Variants in SPIDR observed in about 807,000 individuals in gnomAD.
The protein encoded by SPIDR is scaffold protein involved in DNA repair.
Under a neutral mutation model 104.6 loss-of-function variants are expected in SPIDR, and 93 were observed. That is an observed-to-expected ratio of 0.89 (90% confidence interval 0.75 to 1.06). The LOEUF (loss-of-function observed/expected upper bound fraction) is 1.06, where lower values mean the gene tolerates loss of function less well. Ranked by LOEUF, SPIDR falls within the 50% of genes least tolerant of loss-of-function variation. The probability of loss-of-function intolerance (pLI) is 0.00; values close to 1 mark genes in which losing one functional copy is unlikely to be tolerated. For synonymous variants in SPIDR, 431 were observed against 416.9 expected, an observed-to-expected ratio of 1.03 and a Z score of -0.41; for missense variants, 1,154 against 1,111.2, an observed-to-expected ratio of 1.04 and a Z score of -0.55.
chr8:47,680,505 G>A (rs987275995), intron 11 of SPIDR, among the ~76,000 whole-genome samples: 33 of 152,312 alleles, frequency 2.2e-4, no homozygotes, highest in South Asian at 1.0e-3. Flanking sequence ...TTACTGGGCC[G>A]GGTTATGTAT....
At chr8:47,573,959 C>G (rs1395175472) in intron 8 of SPIDR, among the ~76,000 whole-genome samples, 1 of 152,196 alleles carries the variant, frequency 6.6e-6, no homozygotes, top group African/African-American at 2.4e-5. Context: ...CTCTGTAAAA[C>G]AGACTTTTAA....
At chr8:47,429,143 T>C (rs968540547) in intron 7 of SPIDR, among the ~76,000 whole-genome samples, 2 of 152,310 alleles carry the variant, frequency 1.3e-5, no homozygotes, top group Admixed American at 6.5e-5. Context: ...CCAGTGACCA[T>C]TTTAAGTTTG....
At chr8:47,711,883 C>T (rs940904890) in intron 14 of SPIDR, among the ~76,000 whole-genome samples, 3 of 152,140 alleles carry the variant, frequency 2.0e-5, no homozygotes, top group African/African-American at 7.2e-5. Context: ...TCCTTCACCC[C>T]AACCCTCAGC....
Position 47,735,384 on chromosome 8 carries a change from G to A in SPIDR, c.2682G>A (p.Pro894=). The A allele has an allele frequency of 6.2e-7, 1 of 1,613,984 alleles. No individual in the cohort carries two copies. Among genetic ancestry groups the A allele is most frequent in the Non-Finnish European group, 8.5e-7 (1 of 1,179,990 alleles). The part of the protein sequence containing the change: ...NCFVQSVTAH[P]TSCIGLEEIE... Reference sequence around the variant, plus strand: ...TTGTCCAGTCCGTAACCGCCCACCCGACCAGCTGCATTGGATTGGAGGAAA... The same window carrying A: ...TTGTCCAGTCCGTAACCGCCCACCCAACCAGCTGCATTGGATTGGAGGAAA... Residue 894 remains proline (P), a synonymous_variant, in exon 20 of 20, where the codon CCG becomes CCA. Coordinates refer to ENST00000297423, the MANE Select transcript of SPIDR (RefSeq NM_001080394.4).
chr8:47,589,517 T>A (rs1191910267), intron 8 of SPIDR, among the ~76,000 whole-genome samples: 3 of 151,424 alleles, frequency 2.0e-5, no homozygotes, highest in African/African-American at 4.9e-5. Context: ...AGAGCATGAC[T>A]CCATCTCAAA....
intron 2 of SPIDR, among the ~76,000 whole-genome samples, chr8:47,282,246 A>G (rs367805146): frequency 1.2e-4 from 19 of 152,372 alleles, no homozygotes; most frequent in African/African-American, 4.3e-4. Context: ...ATTGGCTTCA[A>G]CTTAATGTTA....
chr8:47,455,870 C>G (rs2072866940), intron 8 of SPIDR, among the ~76,000 whole-genome samples: 1 of 151,944 alleles, frequency 6.6e-6, no homozygotes, highest in Non-Finnish European at 1.5e-5. Flanking sequence ...TAAAAATGGA[C>G]AGAATTGAAA....
intron 5 of SPIDR, among the ~76,000 whole-genome samples, chr8:47,381,745 A>T (rs1249235357): frequency 3.3e-5 from 5 of 152,236 alleles, no homozygotes; most frequent in African/African-American, 1.2e-4. Context: ...GACCTGCCCC[A>T]CGTGGCACCA....
At chr8:47,272,922 A>G (rs996061137) in intron 1 of SPIDR, among the ~76,000 whole-genome samples, 21 of 152,318 alleles carry the variant, frequency 1.4e-4, no homozygotes, top group Non-Finnish European at 2.5e-4. Context: ...ACATTTTACC[A>G]CTTCAAATGA....
At chr8:47,270,009 T>C (rs2034965097) in intron 1 of SPIDR, among the ~76,000 whole-genome samples, 1 of 152,226 alleles carries the variant, frequency 6.6e-6, no homozygotes, top group Non-Finnish European at 1.5e-5. Context: ...AAATCTCTCT[T>C]GGTTATGGTG....
At chr8:47,408,533 C>T (rs2063065978) in intron 7 of SPIDR, among the ~76,000 whole-genome samples, 2 of 152,160 alleles carry the variant, frequency 1.3e-5, no homozygotes, top group African/African-American at 2.4e-5. Context: ...ACGTTGTACC[C>T]TTTGACAAAT....
intron 5 of SPIDR, among the ~76,000 whole-genome samples, chr8:47,328,825 T>C (rs782010678): frequency 2.6e-5 from 4 of 152,144 alleles, no homozygotes; most frequent in African/African-American, 4.8e-5. Flanking sequence ...AGGGTTTTTT[T>C]TCTCAAGTCT....
chr8:47,641,333 C>G (rs1242063094), intron 10 of SPIDR, among the ~76,000 whole-genome samples: 2 of 152,056 alleles, frequency 1.3e-5, no homozygotes. Flanking sequence ...CCAGACTAAT[C>G]AATTTTGACT....
At chr8:47,465,025 A>G (rs1366503205) in intron 8 of SPIDR, among the ~76,000 whole-genome samples, 2 of 152,114 alleles carry the variant, frequency 1.3e-5, no homozygotes, top group Middle Eastern at 3.2e-3. Context: ...CGGCCTCCCA[A>G]AGTGCTAGGA....
intron 5 of SPIDR, among the ~76,000 whole-genome samples, chr8:47,380,560 C>T (rs1191130832): frequency 6.6e-6 from 1 of 152,020 alleles, no homozygotes; most frequent in East Asian, 1.9e-4. Context: ...TCCCCTCTTG[C>T]CCCGCTGTCT....
At chr8:47,267,256 T>C (rs1554547526) in intron 1 of SPIDR, among the ~76,000 whole-genome samples, 3 of 152,114 alleles carry the variant, frequency 2.0e-5, no homozygotes, top group Non-Finnish European at 2.9e-5. Flanking sequence ...CTGGCTGGGC[T>C]CAAGAGATCC....
intron 8 of SPIDR, among the ~76,000 whole-genome samples, chr8:47,563,591 T>G (rs1405183443): frequency 6.6e-6 from 1 of 152,184 alleles, no homozygotes; most frequent in African/African-American, 2.4e-5. Context: ...CCCTATCGAC[T>G]GTCACATGCG....
At chr8:47,385,254 C>G (rs1554647484) in intron 5 of SPIDR, among the ~76,000 whole-genome samples, 1 of 151,906 alleles carries the variant, frequency 6.6e-6, no homozygotes, top group African/African-American at 2.4e-5. Flanking sequence ...GTTTTTCTCA[C>G]CCGTAAGGTC....
intron 11 of SPIDR, chr8:47,688,583 C>A (rs1036692634): frequency 3.3e-5 from 5 of 152,224 alleles, no homozygotes; most frequent in Admixed American, 1.3e-4. Context: ...CCGGTTTATT[C>A]GTTTTCATTC....
Sources: allele counts gnomAD v4.1 joint callset (sites outside exome capture counted in the v4.1 genomes callset), GRCh38; gene constraint gnomAD v4.1.1; transcripts MANE v1.5; gene names NCBI Gene and HGNC (gene_info 2026-07-23, HGNC 2026-07-21).